The following NTM variants were observed in gnomAD, a reference collection of about 807,000 sequenced individuals.
NTM encodes IgLON family member 2.
NTM carries 13 observed loss-of-function variants against 42.1 expected under a neutral mutation model. That is an observed-to-expected ratio of 0.31 (90% CI 0.20 to 0.49). NTM has a LOEUF of 0.49. NTM is among the 20% of genes least tolerant of loss of function. The probability of loss-of-function intolerance (pLI) is 0.99; values close to 1 mark genes in which losing one functional copy is unlikely to be tolerated. For missense variants in NTM, 373 were observed against 452.8 expected, an observed-to-expected ratio of 0.82 and a Z score of 1.60; for synonymous variants, 187 against 179.2, an observed-to-expected ratio of 1.04 and a Z score of -0.35.
intron 1 of NTM, among the ~76,000 whole-genome samples, chr11:131,443,376 T>C (rs1288416145): frequency 6.6e-6 from 1 of 152,206 alleles, no homozygotes; most frequent in African/African-American, 2.4e-5. Flanking sequence ...GTATCATATT[T>C]GGAGAATAAG....
intron 1 of NTM, among the ~76,000 whole-genome samples, chr11:131,452,069 T>C (rs570710054): frequency 1.3e-5 from 2 of 152,294 alleles, no homozygotes; most frequent in African/African-American, 4.8e-5. Context: ...TCAGAGGCCA[T>C]TTGGACCCTG....
At chr11:131,653,213 T>A (rs1483152643) in intron 1 of NTM, among the ~76,000 whole-genome samples, 1 of 152,096 alleles carries the variant, frequency 6.6e-6, no homozygotes, top group Non-Finnish European at 1.5e-5. Context: ...AGGGACCTTT[T>A]TTTTGAGGTT....
intron 1 of NTM, among the ~76,000 whole-genome samples, chr11:131,630,287 C>A (rs147996207): frequency 3.3e-5 from 5 of 152,184 alleles, no homozygotes; most frequent in African/African-American, 1.2e-4. Context: ...TCTGATATTC[C>A]CAGGAGTAGA....
chr11:131,423,164 A>G (rs1947712905), intron 1 of NTM, among the ~76,000 whole-genome samples: 1 of 152,228 alleles, frequency 6.6e-6, no homozygotes, highest in Non-Finnish European at 1.5e-5. Context: ...TATGCATATT[A>G]TAGCTTCAAA....
At chr11:131,447,703 T>A (rs562344026) in intron 1 of NTM, among the ~76,000 whole-genome samples, 1 of 152,360 alleles carries the variant, frequency 6.6e-6, no homozygotes, top group South Asian at 2.1e-4. Context: ...CAATTCTTGC[T>A]GCCACAAAGA....
intron 1 of NTM, among the ~76,000 whole-genome samples, chr11:131,888,603 C>T (rs2050762906): frequency 6.6e-6 from 1 of 152,250 alleles, no homozygotes; most frequent in South Asian, 2.1e-4. Flanking sequence ...ACTTCCTTGT[C>T]GCAGATGTAA....
intron 4 of NTM, among the ~76,000 whole-genome samples, chr11:132,287,412 A>G (rs887402015): frequency 1.3e-5 from 2 of 152,174 alleles, no homozygotes; most frequent in Admixed American, 1.3e-4. Context: ...GCATTCTTTT[A>G]TCCAGCTCAT....
intron 1 of NTM, among the ~76,000 whole-genome samples, chr11:131,559,022 C>T (rs2055848227): frequency 6.6e-6 from 1 of 152,186 alleles, no homozygotes; most frequent in Non-Finnish European, 1.5e-5. Context: ...TACCATGTTT[C>T]TGTGATGCTT....
intron 1 of NTM, among the ~76,000 whole-genome samples, chr11:131,710,436 G>A (rs548037884): frequency 6.6e-6 from 1 of 152,184 alleles, no homozygotes; most frequent in East Asian, 1.9e-4. Context: ...GTAGGGGCAG[G>A]GAGGAAAGAG....
At position 132,146,526 on chromosome 11, in the gene NTM, G is replaced by A. The variant is rs1200117303; in HGVS notation, c.400+12G>A. 14 of 1,610,430 alleles carry A rather than the reference G, an allele frequency of 8.7e-6. No individual in the cohort carries two copies. Among genetic ancestry groups the A allele is most frequent in the Non-Finnish European group, 1.2e-5 (14 of 1,177,228 alleles). ...CCTCATTGTGCAAGGTAGGTGGGCG[G>A]GGCTTGGCGGGGAGATCTGGCTGGC... On this transcript the variant is annotated intron_variant, in intron 3 of 8. Transcript: ENST00000683400. The surrounding 1 kb of genome is among the most constrained non-coding windows in gnomAD (Gnocchi z 4.5).
intron 1 of NTM, among the ~76,000 whole-genome samples, chr11:131,593,719 C>T (rs1337130913): frequency 3.9e-5 from 6 of 152,186 alleles, no homozygotes; most frequent in African/African-American, 1.4e-4. Context: ...AGTTCTAAAA[C>T]CTCTTGTATT....
chr11:131,635,729 G>A (rs2064284396), intron 1 of NTM, among the ~76,000 whole-genome samples: 1 of 151,996 alleles, frequency 6.6e-6, no homozygotes, highest in South Asian at 2.1e-4. Flanking sequence ...TGTTTATAAT[G>A]TGTACAGTAA....
chr11:131,616,227 A>C (rs973438053), intron 1 of NTM, among the ~76,000 whole-genome samples: 1 of 152,178 alleles, frequency 6.6e-6, no homozygotes, highest in African/African-American at 2.4e-5. Flanking sequence ...GGGAGACTGC[A>C]CCTGTCCCGT....
Position 132,194,355 on chromosome 11 carries a change from AAAAC to A in NTM, c.401-17663_401-17660del, listed in dbSNP as rs546179163. Among the ~76,000 whole-genome samples, 489 of 152,260 alleles carry A rather than the reference AAAAC, an allele frequency of 3.2e-3. 1 individual carries two copies. Among genetic ancestry groups the A allele is most frequent in the African/African-American group, 0.011 (453 of 41,562 alleles). On this transcript the variant is annotated intron_variant, in intron 3 of 8. Coordinates refer to ENST00000683400, the MANE Select transcript of NTM (RefSeq NM_001352005.2). ...TGTGTTTCACTAAATAGAATTAAAA[AAAAC>A]AAAATAACATGATCGTCTCAATAAA...
At chr11:131,876,108 T>G (rs1284576991) in intron 1 of NTM, among the ~76,000 whole-genome samples, 2 of 152,224 alleles carry the variant, frequency 1.3e-5, no homozygotes, top group African/African-American at 2.4e-5. Context: ...TTATCATATT[T>G]TTTTCCTTTT....
intron 1 of NTM, among the ~76,000 whole-genome samples, chr11:131,524,374 T>C (rs2050173279): frequency 6.6e-6 from 1 of 152,182 alleles, no homozygotes; most frequent in African/African-American, 2.4e-5. Context: ...TGCTGACATG[T>C]GATCCCTTCT....
intron 1 of NTM, among the ~76,000 whole-genome samples, chr11:131,587,444 T>C: frequency 9.4e-6 from 1 of 106,208 alleles, no homozygotes; most frequent in Admixed American, 1.0e-4. Context: ...CGAGACTCTG[T>C]CCAAAAAAAA....
intron 1 of NTM, among the ~76,000 whole-genome samples, chr11:131,463,849 G>A (rs1036334868): frequency 1.4e-4 from 21 of 152,242 alleles, no homozygotes; most frequent in African/African-American, 5.1e-4. Context: ...ACGGGCCCAG[G>A]AAGGAGAGAG....
chr11:131,951,188 G>C (rs2060942092), intron 2 of NTM, among the ~76,000 whole-genome samples: 1 of 152,112 alleles, frequency 6.6e-6, no homozygotes, highest in Admixed American at 6.5e-5. Context: ...GGATCAGAGG[G>C]GGAATAAAAA....
Sources: allele counts gnomAD v4.1 joint callset (sites outside exome capture counted in the v4.1 genomes callset), GRCh38; gene constraint gnomAD v4.1.1; non-coding constraint Gnocchi (gnomAD v3.1); transcripts MANE v1.5; gene names NCBI Gene and HGNC (gene_info 2026-07-23, HGNC 2026-07-21).